STPG2: variants seen among roughly 807,000 people sequenced by gnomAD.
The protein encoded by STPG2 is sperm-tail PG-rich repeat-containing protein 2.
A neutral mutation model predicts 54.2 loss-of-function variants in STPG2; 56 were observed. That is an observed-to-expected ratio of 1.03 (90% CI 0.83 to 1.29). The LOEUF (loss-of-function observed/expected upper bound fraction) is 1.29. Among genes scored for constraint, STPG2 ranks in the 50% most tolerant of loss-of-function variants. The pLI is 0.00. For synonymous variants in STPG2, 200 were observed against 181.8 expected (o/e 1.10, Z -0.81); for missense variants, 596 against 544.9 (o/e 1.09, Z -0.93).
intron 5 of STPG2, among the ~76,000 whole-genome samples, chr4:98,019,927 TG>T (rs1281538750): frequency 9.9e-5 from 12 of 121,768 alleles, no homozygotes; most frequent in Admixed American, 7.9e-4. Context: ...GCTGAGACAA[TG>T]GGGTTTTCTA....
chr4:97,621,357 A>G (rs1176163550), intron 10 of STPG2, among the ~76,000 whole-genome samples: 1 of 152,106 alleles, frequency 6.6e-6, no homozygotes, highest in Non-Finnish European at 1.5e-5. Flanking sequence ...CAGAGTTGGT[A>G]GTTTGAAAAC....
At chr4:97,881,874 C>T (rs1325619995) in intron 8 of STPG2, among the ~76,000 whole-genome samples, 1 of 152,134 alleles carries the variant, frequency 6.6e-6, no homozygotes, top group Non-Finnish European at 1.5e-5. Context: ...AATTTCAAAA[C>T]TGATTTTCAG....
chr4:97,652,423 G>A (rs546485101), intron 10 of STPG2, among the ~76,000 whole-genome samples: 1 of 151,572 alleles, frequency 6.6e-6, no homozygotes, highest in South Asian at 2.1e-4. Flanking sequence ...CTCTCCTCAA[G>A]ATTCAAAAAA....
At position 97,619,868 on chromosome 4, in the gene STPG2, G is replaced by C. The variant is rs541014453; in HGVS notation, c.1321-60751C>G. Among the ~76,000 whole-genome samples the C allele has an allele frequency of 4.2e-3, 608 of 144,536 alleles. 2 individuals carry two copies. Among genetic ancestry groups the C allele is most frequent in the South Asian group, 0.02 (92 of 4,534 alleles). 94.8% of individuals were successfully genotyped at this position (144,536 alleles called of 152,430 possible). A position where few individuals can be genotyped will look rare whatever the true frequency, so the allele number is the denominator to read the frequency against. On this transcript the variant is annotated intron_variant, in intron 10 of 10. Coordinates refer to ENST00000295268, the MANE Select transcript of STPG2 (RefSeq NM_174952.3). ...AGACAGAGTCTCGCTCTCTCTCTCA[G>C]TTTGGAGTGCAGTGGCGCAATCTCG...
intron 10 of STPG2, among the ~76,000 whole-genome samples, chr4:97,611,303 T>C (rs1427323197): frequency 6.6e-6 from 1 of 151,182 alleles, no homozygotes; most frequent in Non-Finnish European, 1.5e-5. Context: ...TGTGGAGAGA[T>C]CACAGATTCA....
chr4:97,585,101 CAAAAA>C (rs60854805), intron 10 of STPG2, among the ~76,000 whole-genome samples: 2 of 46,256 alleles, frequency 4.3e-5, no homozygotes, highest in Non-Finnish European at 6.9e-5. Context: ...AAAATATTCT[CAAAAA>C]AAAAAAAAAA....
At chr4:97,881,101 A>C (rs913707760) in intron 8 of STPG2, among the ~76,000 whole-genome samples, 35 of 152,076 alleles carry the variant, frequency 2.3e-4, no homozygotes, top group Non-Finnish European at 1.0e-4. Flanking sequence ...GAAAAAAAAA[A>C]ATGGGATCTA....
rs1041227221 is a variant in STPG2 at position 97,661,805 on chromosome 4, A to G, written c.1320+50894T>C. 4.6e-5 allele frequency among the ~76,000 whole-genome samples: 7 copies of G among 152,220 alleles called. 1 individual carries two copies. The South Asian group carries it at 1.2e-3, about 27-fold the overall frequency. ...ACTTTACTTTTCCCAATCCAATGCT[A>G]CTTTTCCTAGGCCTGATCTATCAAG... On this transcript the variant is annotated intron_variant, in intron 10 of 10. Coordinates refer to ENST00000295268, the MANE Select transcript of STPG2 (RefSeq NM_174952.3).
intron 5 of STPG2, among the ~76,000 whole-genome samples, chr4:98,037,915 T>C (rs889788377): frequency 1.3e-5 from 2 of 152,032 alleles, no homozygotes; most frequent in Non-Finnish European, 2.9e-5. Context: ...TGAGGAAAAA[T>C]TTGTAAATAT....
intron 10 of STPG2, among the ~76,000 whole-genome samples, chr4:97,606,465 G>C (rs1428458783): frequency 2.0e-5 from 3 of 151,648 alleles, no homozygotes; most frequent in Admixed American, 1.3e-4. Context: ...TATTTTATTG[G>C]AAAAAACAAA....
intron 10 of STPG2, among the ~76,000 whole-genome samples, chr4:97,586,056 C>T (rs538969246): frequency 2.0e-5 from 3 of 151,884 alleles, no homozygotes; most frequent in Middle Eastern, 3.4e-3. Flanking sequence ...TTTTAAGAGA[C>T]CCATCATAAA....
At chr4:97,675,549 G>A (rs76119695) in intron 10 of STPG2, among the ~76,000 whole-genome samples, 1 of 152,020 alleles carries the variant, frequency 6.6e-6, no homozygotes, top group East Asian at 1.9e-4. Context: ...ATTTGAATGC[G>A]GTGCCCTGCA....
At chr4:97,470,477 T>C (rs1305917320) in intron 4 of STPG2, among the ~76,000 whole-genome samples, 1 of 152,072 alleles carries the variant, frequency 6.6e-6, no homozygotes, top group African/African-American at 2.4e-5. Flanking sequence ...TATATAGTAG[T>C]CCCCCTTCAT....
chr4:97,872,484 T>A (rs1730025232), intron 8 of STPG2, among the ~76,000 whole-genome samples: 1 of 151,130 alleles, frequency 6.6e-6, no homozygotes, highest in Non-Finnish European at 1.5e-5. Flanking sequence ...AATTATTAAT[T>A]AGAAGACACT....
At chr4:97,468,005 A>G (rs966094022) in intron 4 of STPG2, among the ~76,000 whole-genome samples, 1 of 151,958 alleles carries the variant, frequency 6.6e-6, no homozygotes, top group Non-Finnish European at 1.5e-5. Context: ...AGGCATTAGC[A>G]TGTTTAAAGA....
rs1729981533 is a variant in STPG2 at position 97,473,149 on chromosome 4, G to A, written c.462+239550C>T. On this transcript the variant is annotated intron_variant, in intron 4 of 4. Coordinates refer to the STPG2 transcript ENST00000522676. ...TAACTGCACAAATTGTAGAGCATGT[G>A]TGTTTGAACAATATGAAATCTGGGC... Among the ~76,000 whole-genome samples the A allele has an allele frequency of 2.0e-5, 3 of 152,096 alleles. No homozygotes were observed. In the South Asian group the frequency reaches 6.2e-4, roughly 32 times the overall value.
chr4:97,723,948 G>C (rs1205362868), intron 9 of STPG2, among the ~76,000 whole-genome samples: 1 of 152,128 alleles, frequency 6.6e-6, no homozygotes, highest in Non-Finnish European at 1.5e-5. Context: ...GATGAGATTT[G>C]GGTGGGGACA....
intron 5 of STPG2, among the ~76,000 whole-genome samples, chr4:98,069,324 C>T (rs1737930738): frequency 6.6e-6 from 1 of 151,884 alleles, no homozygotes; most frequent in Admixed American, 6.6e-5. Context: ...TTAGAAATGA[C>T]TGATATGCAA....
chr4:98,021,133 C>T (rs911750530), intron 5 of STPG2, among the ~76,000 whole-genome samples: 3 of 150,786 alleles, frequency 2.0e-5, no homozygotes, highest in African/African-American at 7.4e-5. Flanking sequence ...TTAGATCTTT[C>T]CTGCTTTCTC....
Sources: gnomAD v4.1 joint callset for allele counts (sites outside exome capture counted in the v4.1 genomes callset) on GRCh38, gnomAD v4.1.1 for gene constraint, MANE v1.5 for transcripts, NCBI Gene and HGNC (gene_info 2026-07-23, HGNC 2026-07-21) for gene names.